The following SGCD variants were observed in gnomAD, a reference collection of about 807,000 sequenced individuals.
The protein encoded by SGCD is delta-sarcoglycan.
Under a neutral mutation model 36.6 loss-of-function variants are expected in SGCD, and 18 were observed. The ratio of observed to expected loss-of-function variants is 0.49; its 90% CI spans 0.34 to 0.73. The LOEUF (loss-of-function observed/expected upper bound fraction) is 0.73. Among genes scored for constraint, SGCD ranks in the 30% least tolerant of loss-of-function variants. SGCD has a pLI of 0.01. For missense variants in SGCD, 387 were observed against 346.7 expected (o/e 1.12, Z -0.92); for synonymous variants, 133 against 130.6 (o/e 1.02, Z -0.12).
chr5:156,419,492 T>G (rs1267799051), intron 3 of SGCD, among the ~76,000 whole-genome samples: 2 of 152,054 alleles, frequency 1.3e-5, no homozygotes, highest in African/African-American at 4.8e-5. Context: ...TAGAATCAGA[T>G]TTATAGTTTC....
At chr5:156,237,951 A>AT (rs368855099) in intron 3 of SGCD, among the ~76,000 whole-genome samples, 3,030 of 143,356 alleles carry the variant, frequency 0.021, 41 homozygotes, top group Middle Eastern at 0.065. Context: ...GGATAAGATG[A>AT]TTTTTTTTTT....
At chr5:156,180,306 T>G (rs1282634381) in intron 3 of SGCD, among the ~76,000 whole-genome samples, 1 of 152,188 alleles carries the variant, frequency 6.6e-6, no homozygotes, top group Admixed American at 6.6e-5. Flanking sequence ...AGATAGGGAA[T>G]GAGATAAAGA....
rs1212670363 is a variant in SGCD, at chr5:156,531,747, A to T, written c.294+23045A>T. ...GTCTTATATGCATAGCCTTATGCAT[A>T]AATCTAATGTCCAGGAGAACCACTG... On this transcript the variant is annotated intron_variant, in intron 4 of 8. Coordinates refer to ENST00000337851, the MANE Select transcript of SGCD (RefSeq NM_000337.6). Among the ~76,000 whole-genome samples, 3 of 152,228 alleles carry T rather than the reference A, an allele frequency of 2.0e-5. No homozygotes were observed. The East Asian group carries it at 5.8e-4, about 29-fold the overall frequency.
the SGCD span, among the ~76,000 whole-genome samples, chr5:155,833,166 A>T: frequency 6.6e-6 from 1 of 151,762 alleles, no homozygotes; most frequent in Non-Finnish European, 1.5e-5. Flanking sequence ...GGAGATGGAG[A>T]TTGCAGTGAG....
intron 6 of SGCD, among the ~76,000 whole-genome samples, chr5:156,612,179 A>G (rs1044402203): frequency 6.6e-6 from 1 of 152,194 alleles, no homozygotes; most frequent in African/African-American, 2.4e-5. Context: ...TTGTGCATCT[A>G]GTGGAATAGT....
intron 1 of SGCD, among the ~76,000 whole-genome samples, chr5:156,086,304 T>C (rs1262230031): frequency 6.6e-6 from 1 of 152,228 alleles, no homozygotes; most frequent in East Asian, 1.9e-4. Context: ...TCCTGATACT[T>C]CTGTAACCAA....
intron 7 of SGCD, among the ~76,000 whole-genome samples, chr5:156,732,086 T>C (rs1756106545): frequency 1.3e-5 from 2 of 152,126 alleles, no homozygotes; most frequent in South Asian, 2.1e-4. Flanking sequence ...ATGTCATTTG[T>C]AAACAGGGAT....
At chr5:156,482,859 T>C (rs1370173950) in intron 3 of SGCD, among the ~76,000 whole-genome samples, 2 of 126,516 alleles carry the variant, frequency 1.6e-5, no homozygotes, top group African/African-American at 3.0e-5. Flanking sequence ...AGACTAGCCA[T>C]ATTTGAATTG....
At chr5:156,299,515 GT>G (rs1353291024) in intron 3 of SGCD, among the ~76,000 whole-genome samples, 2 of 151,986 alleles carry the variant, frequency 1.3e-5, no homozygotes, top group Non-Finnish European at 2.9e-5. Flanking sequence ...TGTCTAGATT[GT>G]TTTGGGTAGT....
At chr5:156,321,406 C>G (rs905475799) in intron 3 of SGCD, among the ~76,000 whole-genome samples, 1 of 151,550 alleles carries the variant, frequency 6.6e-6, no homozygotes, top group Non-Finnish European at 1.5e-5. Flanking sequence ...GGTGACAGAG[C>G]GAGACTCCGA....
chr5:156,667,138 G>A (rs185252414), intron 7 of SGCD, among the ~76,000 whole-genome samples: 9 of 152,230 alleles, frequency 5.9e-5, no homozygotes, highest in Non-Finnish European at 1.0e-4. Context: ...TGTAATGCAG[G>A]TATTTCAAAA....
chr5:156,574,787 G>T (rs141627749), intron 4 of SGCD, among the ~76,000 whole-genome samples: 2 of 152,192 alleles, frequency 1.3e-5, no homozygotes, highest in East Asian at 3.9e-4. Context: ...TTAGTAATTC[G>T]AATCTCAACT....
At chr5:156,081,079 A>T (rs985425357) in intron 1 of SGCD, among the ~76,000 whole-genome samples, 3 of 152,234 alleles carry the variant, frequency 2.0e-5, no homozygotes, top group African/African-American at 4.8e-5. Context: ...GCATTGTGCC[A>T]GGCATCTGTT....
At chr5:156,060,587 A>G (rs184054520) in intron 1 of SGCD, among the ~76,000 whole-genome samples, 1 of 145,916 alleles carries the variant, frequency 6.9e-6, no homozygotes, top group East Asian at 1.9e-4. Context: ...GGTACTTCCA[A>G]AGAAATTTAT....
chr5:156,548,868 G>A (rs2113187876), intron 4 of SGCD, among the ~76,000 whole-genome samples: 1 of 152,254 alleles, frequency 6.6e-6, no homozygotes, highest in South Asian at 2.1e-4. Context: ...GGGAAGAGAT[G>A]ACTGCACAGA....
At chr5:156,683,957 A>G (rs1295476488) in intron 7 of SGCD, among the ~76,000 whole-genome samples, 2 of 152,234 alleles carry the variant, frequency 1.3e-5, no homozygotes, top group Non-Finnish European at 2.9e-5. Context: ...CCAAACTACA[A>G]AAATGACAGC....
At chr5:156,603,141 G>A (rs527882048) in intron 6 of SGCD, among the ~76,000 whole-genome samples, 1 of 152,056 alleles carries the variant, frequency 6.6e-6, no homozygotes, top group South Asian at 2.1e-4. Flanking sequence ...TGTTCCCATT[G>A]TCTATTTCCT....
intron 3 of SGCD, among the ~76,000 whole-genome samples, chr5:156,140,922 A>C (rs1006165752): frequency 2.6e-5 from 4 of 152,150 alleles, no homozygotes; most frequent in Non-Finnish European, 4.4e-5. Flanking sequence ...TCACATGCCA[A>C]GAGTGCCAGG....
At chr5:155,830,970 CATTAAATGCTTGTTACGT>C in the SGCD span, among the ~76,000 whole-genome samples, 1 of 152,274 alleles carries the variant, frequency 6.6e-6, no homozygotes, top group South Asian at 2.1e-4. Flanking sequence ...AGCTTAAATT[CATTAAATGCTTGTTACGT>C]GTTAGATGCT....
Sources: allele counts gnomAD v4.1 joint callset (sites outside exome capture counted in the v4.1 genomes callset), GRCh38; gene constraint gnomAD v4.1.1; transcripts MANE v1.5; gene names NCBI Gene and HGNC (gene_info 2026-07-23, HGNC 2026-07-21).